The following PRKAR1B variants were observed in gnomAD, a reference collection of about 807,000 sequenced individuals.
The protein encoded by PRKAR1B is cAMP-dependent protein kinase type I-beta regulatory subunit.
PRKAR1B carries 22 observed loss-of-function variants against 46.5 expected under a neutral mutation model. That is an observed-to-expected ratio of 0.47 (90% confidence interval 0.34 to 0.68). The LOEUF (loss-of-function observed/expected upper bound fraction) is 0.68. PRKAR1B is among the 30% of genes least tolerant of loss of function. PRKAR1B has a pLI of 0.01. For synonymous variants in PRKAR1B, 259 were observed against 217.7 expected, an observed-to-expected ratio of 1.19 and a Z score of -1.67; for missense variants, 445 against 535.6, an observed-to-expected ratio of 0.83 and a Z score of 1.67.
At chr7:606,902 A>G (rs938936138) in intron 5 of PRKAR1B, among the ~76,000 whole-genome samples, 2 of 152,186 alleles carry the variant, frequency 1.3e-5, no homozygotes, top group African/African-American at 4.8e-5. Flanking sequence ...ATATATGTGT[A>G]CATATATGTA....
In PRKAR1B at chr7:667,458, G is replaced by A. The variant is rs535302094; in HGVS notation, c.440+9771C>T. ...TGAGTGAGATTGTGTGTGCATGACT[G>A]TGTGCATAGGCGTGCCTGGGAATAA... On this transcript the variant is annotated intron_variant, in intron 4 of 10. Coordinates refer to ENST00000537384, the MANE Select transcript of PRKAR1B (RefSeq NM_001164760.2). The surrounding 1 kb of genome is among the most constrained non-coding windows in gnomAD (Gnocchi z 4.3). Among the ~76,000 whole-genome samples, 2 of 152,132 alleles carry A rather than the reference G, an allele frequency of 1.3e-5. No homozygotes were observed. The highest frequency in any genetic ancestry group is 4.1e-4 in the South Asian group (2 of 4,830).
intron 4 of PRKAR1B, among the ~76,000 whole-genome samples, chr7:629,538 C>A (rs1783615574): frequency 8.5e-6 from 1 of 118,284 alleles, no homozygotes; most frequent in Non-Finnish European, 1.7e-5. Context: ...CTGGAAAACG[C>A]TGCAGGAGCG....
chr7:610,576 T>C (rs1419911225), intron 4 of PRKAR1B, among the ~76,000 whole-genome samples: 2 of 152,070 alleles, frequency 1.3e-5, no homozygotes, highest in Non-Finnish European at 2.9e-5. Context: ...TGCCCGAATG[T>C]CACCAGCTCA....
chr7:616,510 G>A (rs971198019), intron 4 of PRKAR1B, among the ~76,000 whole-genome samples: 3 of 152,246 alleles, frequency 2.0e-5, no homozygotes, highest in Non-Finnish European at 4.4e-5. Flanking sequence ...GCCAGCCGGC[G>A]GGGCTCATCC....
rs1260478163 is a variant in PRKAR1B at position 644,837 on chromosome 7, G to A, written c.440+32392C>T. Among the ~76,000 whole-genome samples, 1 of 152,140 alleles carries A rather than the reference G, an allele frequency of 6.6e-6. No individual in the cohort carries two copies. The highest frequency in any genetic ancestry group is 1.5e-5 in the Non-Finnish European group (1 of 68,014). ...CAAAGAGGCTGGACCGGGCAGTGCC[G>A]TCGGCCAAAGGGTCCCGTGTGCTGC... On this transcript the variant is annotated intron_variant, in intron 4 of 10. Coordinates refer to ENST00000537384, the MANE Select transcript of PRKAR1B (RefSeq NM_001164760.2). This position sits in a 1 kb window ranked among gnomAD's most constrained non-coding sequence, Gnocchi z 4.9.
chr7:665,363 T>G (rs1785846630), intron 4 of PRKAR1B, among the ~76,000 whole-genome samples: 1 of 152,144 alleles, frequency 6.6e-6, no homozygotes, highest in African/African-American at 2.4e-5. Flanking sequence ...AACCTCTCTC[T>G]GCCTCCCCTG....
At chr7:722,680 T>C (rs1285298849) in intron 1 of PRKAR1B, among the ~76,000 whole-genome samples, 1 of 152,268 alleles carries the variant, frequency 6.6e-6, no homozygotes, top group Admixed American at 6.5e-5. Flanking sequence ...CTGGTTCTTA[T>C]GACTCTGCTT....
chr7:624,328 G>T (rs1287976521), intron 4 of PRKAR1B, among the ~76,000 whole-genome samples: 1 of 152,140 alleles, frequency 6.6e-6, no homozygotes, highest in African/African-American at 2.4e-5. Flanking sequence ...AGCTATTCAG[G>T]AGACTGAGGC....
intron 7 of PRKAR1B, among the ~76,000 whole-genome samples, chr7:594,785 C>A (rs954075147): frequency 6.6e-6 from 1 of 151,834 alleles, no homozygotes; most frequent in East Asian, 1.9e-4. Context: ...ATGAGAGGAC[C>A]CCAAATTATG....
chr7:623,670 G>A (rs188387865), intron 4 of PRKAR1B, among the ~76,000 whole-genome samples: 35 of 152,262 alleles, frequency 2.3e-4, no homozygotes, highest in African/African-American at 6.3e-4. Context: ...AAATTCTCAC[G>A]TTCTCATCTC....
intron 7 of PRKAR1B, among the ~76,000 whole-genome samples, chr7:594,240 C>T (rs1276855529): frequency 6.6e-6 from 1 of 152,172 alleles, no homozygotes; most frequent in East Asian, 1.9e-4. Context: ...GGCCATTCAC[C>T]TCCTGCCATA....
At chr7:630,407 G>A (rs994111287) in intron 4 of PRKAR1B, among the ~76,000 whole-genome samples, 4 of 152,174 alleles carry the variant, frequency 2.6e-5, no homozygotes, top group Non-Finnish European at 5.9e-5. Flanking sequence ...GGCAGGCAGC[G>A]GGCAGCGGTT....
intron 8 of PRKAR1B, among the ~76,000 whole-genome samples, chr7:583,299 C>A (rs549899606): frequency 6.6e-6 from 1 of 152,208 alleles, no homozygotes; most frequent in African/African-American, 2.4e-5. Context: ...GGGTCAAAGT[C>A]CTCCCCAAGA....
intron 1 of PRKAR1B, chr7:726,981 C>G: frequency 1.5e-6 from 2 of 1,293,394 alleles, no homozygotes; most frequent in Non-Finnish European, 2.0e-6. Context: ...GCCTGAGCGA[C>G]CCCGCCGAGG....
chr7:577,093 T>TCCATCAACGGCCTCGTCCAACG (rs1355989633), intron 9 of PRKAR1B, among the ~76,000 whole-genome samples: 61 of 149,546 alleles, frequency 4.1e-4, no homozygotes, highest in African/African-American at 1.4e-3. Context: ...CTCATCCAAC[T>TCCATCAACGGCCTCGTCCAACG]CCATCAACGG....
chr7:707,749 G>A (rs1237706726), intron 2 of PRKAR1B, among the ~76,000 whole-genome samples: 2 of 152,146 alleles, frequency 1.3e-5, no homozygotes, highest in East Asian at 1.9e-4. Flanking sequence ...GGCAGGACCC[G>A]CGATGCGTCT....
chr7:590,058 A>T (rs1376501690), intron 7 of PRKAR1B, among the ~76,000 whole-genome samples: 2 of 152,216 alleles, frequency 1.3e-5, no homozygotes, highest in African/African-American at 4.8e-5. Context: ...AGAGAACCGG[A>T]AATGTCGGTG....
At chr7:634,467 G>C (rs1048662854) in intron 4 of PRKAR1B, among the ~76,000 whole-genome samples, 1 of 152,080 alleles carries the variant, frequency 6.6e-6, no homozygotes, top group African/African-American at 2.4e-5. Context: ...AACAGAGCAA[G>C]ACCCTGTCTC....
intron 4 of PRKAR1B, among the ~76,000 whole-genome samples, chr7:639,373 G>C (rs1392506960): frequency 6.6e-6 from 1 of 152,166 alleles, no homozygotes; most frequent in African/African-American, 2.4e-5. Context: ...GGGACAACTG[G>C]ATACCCACTA....
Sources: gnomAD v4.1 joint callset for allele counts (sites outside exome capture counted in the v4.1 genomes callset) on GRCh38, gnomAD v4.1.1 for gene constraint, Gnocchi (gnomAD v3.1) non-coding constraint, MANE v1.5 for transcripts, NCBI Gene and HGNC (gene_info 2026-07-23, HGNC 2026-07-21) for gene names.